The following CCDC15 variants were observed in gnomAD, a reference collection of about 807,000 sequenced individuals.
CCDC15 encodes coiled-coil domain containing 15, also known as coiled-coil domain-containing protein 15.
Under a neutral mutation model 114.5 loss-of-function variants are expected in CCDC15, and 105 were observed. The ratio of observed to expected loss-of-function variants is 0.92; its 90% CI spans 0.78 to 1.08. The LOEUF (loss-of-function observed/expected upper bound fraction) is 1.08, where lower values mean the gene tolerates loss of function less well. CCDC15 is among the 50% of genes least tolerant of loss of function. The pLI is 0.00. For synonymous variants in CCDC15, 334 were observed against 377.8 expected, an observed-to-expected ratio of 0.88 and a Z score of 1.34; for missense variants, 1,105 against 1,093.6, an observed-to-expected ratio of 1.01 and a Z score of -0.15.
rs755131889 is a variant in CCDC15 at position 124,988,115 on chromosome 11, A to G, written c.1889A>G (p.Asp630Gly). The change falls in exon 8 of 16, where the codon GAT becomes GGT. Residue 630 changes from aspartate to glycine, a missense_variant. Physicochemically the swap from Asp to Gly is moderately conservative, Grantham distance 94. Transcript: ENST00000344762. Reference protein sequence around the residue: ...QNILPKCQDQDFLPKYQKVHF... With the variant: ...QNILPKCQDQGFLPKYQKVHF... Reference sequence around the variant, plus strand: ...ATTCTACCCAAATGTCAGGACCAAGATTTTCTACCAAAATATCAGGTAAAA... The same window carrying G: ...ATTCTACCCAAATGTCAGGACCAAGGTTTTCTACCAAAATATCAGGTAAAA... The G allele has an allele frequency of 8.1e-6, 13 of 1,611,074 alleles. No individual in the cohort carries two copies. The African/African-American group carries it at 1.7e-4, about 22-fold the overall frequency.
chr11:124,962,286 T>TA (rs1189461739), intron 4 of CCDC15, among the ~76,000 whole-genome samples: 3 of 152,252 alleles, frequency 2.0e-5, no homozygotes, highest in Non-Finnish European at 4.4e-5. Flanking sequence ...TGAATGTTAG[T>TA]ACACGTCTCA....
At position 124,986,700 on chromosome 11, in the gene CCDC15, T is replaced by TGTGTGTGCGC. The variant is rs878887902; in HGVS notation, c.754-41_754-40insTGTGTGCGCG. 921 of 1,352,500 alleles carry TGTGTGTGCGC rather than the reference T, an allele frequency of 6.8e-4. 10 individuals carry two copies. The highest frequency in any genetic ancestry group is 5.3e-3 in the African/African-American group (329 of 61,546). 83.8% of individuals were successfully genotyped at this position (1,352,500 alleles called of 1,614,324 possible). A position where few individuals can be genotyped will look rare whatever the true frequency, so the allele number is the denominator to read the frequency against. The stretch of plus-strand genomic sequence containing the variant: ...GTGTGTGTGTGTGTGTTTGTGTGTG[T>TGTGTGTGCGC]GCGCGCGCGCGCGTGCGCGTTTTCA... On this transcript the variant is annotated intron_variant, in intron 6 of 15. Transcript: ENST00000344762.
At chr11:125,004,633 C>T (rs1396541829) in intron 12 of CCDC15, among the ~76,000 whole-genome samples, 1 of 152,032 alleles carries the variant, frequency 6.6e-6, no homozygotes, top group Non-Finnish European at 1.5e-5. Context: ...TGCTTTTATT[C>T]TACTTGTTTC....
At chr11:124,989,543 C>A (rs552654720) in intron 8 of CCDC15, among the ~76,000 whole-genome samples, 2 of 152,314 alleles carry the variant, frequency 1.3e-5, no homozygotes, top group South Asian at 4.1e-4. Flanking sequence ...TTGACTTTTT[C>A]TCTCTAGCTG....
intron 5 of CCDC15, among the ~76,000 whole-genome samples, 159 bp downstream of exon 5, chr11:124,975,368 A>G (rs1325631006): frequency 6.6e-6 from 1 of 152,248 alleles, no homozygotes; most frequent in Non-Finnish European, 1.5e-5. Context: ...ACATATCCAT[A>G]TGCAGCCATT....
In CCDC15 at chr11:124,986,691, T is replaced by TGTGTG. The variant is rs1555068459; in HGVS notation, c.754-51_754-50insGTGTG. ...GCTGTGTGTGTGTGTGTGTGTGTGT[T>TGTGTG]TGTGTGTGTGCGCGCGCGCGCGTGC... On this transcript the variant is annotated intron_variant, in intron 6 of 15. Coordinates refer to ENST00000344762, the MANE Select transcript of CCDC15 (RefSeq NM_025004.3). The TGTGTG allele has an allele frequency of 2.5e-3, 3,083 of 1,219,964 alleles. 42 individuals carry two copies. The highest frequency in any genetic ancestry group is 0.011 in the African/African-American group (633 of 56,724). The allele number at this position is 1,219,964 out of a possible 1,614,324, so 75.6% of individuals were successfully genotyped here.
chr11:124,980,600 G>C (rs1413247024), intron 6 of CCDC15, among the ~76,000 whole-genome samples: 1 of 152,130 alleles, frequency 6.6e-6, no homozygotes, highest in African/African-American at 2.4e-5. Context: ...TTGTGTTTCT[G>C]TGAGGCCAGT....
Position 125,010,690 on chromosome 11 carries a change from A to G in CCDC15, c.2411+5478A>G, listed in dbSNP as rs764831376. On this transcript the variant is annotated intron_variant, in intron 13 of 15. Coordinates refer to ENST00000344762, the MANE Select transcript of CCDC15 (RefSeq NM_025004.3). Reference sequence around the variant, plus strand: ...TGTTTAAATTCCTTATAGATACTGGATATCAGACCTTTGTCAGGTGCATAG... The same window carrying G: ...TGTTTAAATTCCTTATAGATACTGGGTATCAGACCTTTGTCAGGTGCATAG... 5.3e-5 allele frequency among the ~76,000 whole-genome samples: 8 copies of G among 152,108 alleles called. 1 individual carries two copies. In the South Asian group the frequency reaches 1.4e-3, roughly 28 times the overall value.
chr11:124,991,619 G>T, intron 9 of CCDC15, 36 bp downstream of exon 9: 1 of 1,535,122 alleles, frequency 6.5e-7, no homozygotes, highest in Non-Finnish European at 8.8e-7. Flanking sequence ...CAGGAAGGAA[G>T]TACCCAGGTT....
At chr11:125,017,360 C>A (rs1489242773) in intron 13 of CCDC15, among the ~76,000 whole-genome samples, 2 of 151,810 alleles carry the variant, frequency 1.3e-5, no homozygotes, top group African/African-American at 4.8e-5. Flanking sequence ...GGTCATGCAC[C>A]ACATAAAGAT....
chr11:125,007,072 A>G (rs555957474), intron 13 of CCDC15, among the ~76,000 whole-genome samples: 31 of 152,324 alleles, frequency 2.0e-4, no homozygotes, highest in African/African-American at 6.7e-4. Context: ...GTCATCTCAA[A>G]CATTATGATT....
intron 4 of CCDC15, among the ~76,000 whole-genome samples, chr11:124,963,412 A>G (rs895355762): frequency 3.4e-4 from 52 of 152,052 alleles, no homozygotes; most frequent in Non-Finnish European, 7.2e-4. Flanking sequence ...GCATTTTTTC[A>G]TGTGTCTGTT....
intron 4 of CCDC15, among the ~76,000 whole-genome samples, chr11:124,961,468 A>C (rs935805744): frequency 6.6e-6 from 1 of 152,200 alleles, no homozygotes; most frequent in African/African-American, 2.4e-5. Context: ...GTAGGGGAAG[A>C]ATTCATGGGA....
In CCDC15 at chr11:124,959,921, G is replaced by A; in HGVS notation, c.434G>A (p.Arg145Lys). ...NNLNVAIGSS[R>K]LPPSLMPGDG... is the part of the protein sequence containing the mutation. ...TTGAATGTTGCTATTGGAAGTTCTA[G>A]GTTACCTCCTTCCCTGATGCCTGGG... Residue 145 changes from arginine to lysine, a missense_variant, in exon 4 of 16, where the codon AGG (arginine) becomes AAG (lysine). Physicochemically the swap from Arg to Lys is conservative, Grantham distance 26 (BLOSUM62 2). Transcript: ENST00000344762. 1 of 1,587,670 alleles carries A rather than the reference G, an allele frequency of 6.3e-7. No homozygotes were observed. The highest frequency in any genetic ancestry group is 8.6e-7 in the Non-Finnish European group (1 of 1,165,228).
intron 13 of CCDC15, among the ~76,000 whole-genome samples, chr11:125,037,188 T>G (rs1405017768): frequency 1.3e-5 from 2 of 152,218 alleles, no homozygotes; most frequent in Non-Finnish European, 2.9e-5. Flanking sequence ...ATTTGATGAC[T>G]TGCTTTTATA....
At chr11:125,014,382 A>G (rs1425478260) in intron 13 of CCDC15, among the ~76,000 whole-genome samples, 2 of 152,150 alleles carry the variant, frequency 1.3e-5, no homozygotes, top group Non-Finnish European at 2.9e-5. Flanking sequence ...TTCTAAGTAC[A>G]TACTTAGAAG....
intron 6 of CCDC15, among the ~76,000 whole-genome samples, chr11:124,983,039 G>T (rs1000127143): frequency 3.9e-5 from 6 of 152,032 alleles, no homozygotes; most frequent in African/African-American, 9.7e-5. Flanking sequence ...ATTTTGGAGA[G>T]CCAGTCTTTG....
Position 124,991,464 on chromosome 11 carries a change from G to A in CCDC15, c.1912G>A (p.Val638Ile). The A allele has an allele frequency of 6.5e-7, 1 of 1,528,362 alleles. No individual in the cohort carries two copies. The highest frequency in any genetic ancestry group is 1.3e-5 in the South Asian group (1 of 79,182). 94.7% of individuals were successfully genotyped at this position (1,528,362 alleles called of 1,614,324 possible). Residue 638 changes from valine (V) to isoleucine (I), a missense_variant, in exon 9 of 16, where the codon GTA becomes ATA. Coordinates refer to ENST00000344762, the MANE Select transcript of CCDC15 (RefSeq NM_025004.3). ...DQDFLPKYQK[V>I]HFKEPYSDMT... ...TTTTTATTATTTTATCTTTTAGAAA[G>A]TACACTTTAAGGAGCCATACTCTGA...
rs763584597 is a variant in CCDC15, at chr11:124,987,701, A to G, written c.1475A>G (p.Asp492Gly). ...CAGCATGTTCTCCCCAAAGACCAAG[A>G]TATTCTGCCAAAATATCAGGACCAG... Reference protein sequence around the residue: ...RDQHVLPKDQDILPKYQDQNF... With the variant: ...RDQHVLPKDQGILPKYQDQNF... The change falls in exon 8 of 16, where the codon GAT becomes GGT. Residue 492 changes from aspartate (D) to glycine (G), a missense_variant. Physicochemically the swap from Asp to Gly is moderately conservative, Grantham distance 94. Coordinates refer to ENST00000344762, the MANE Select transcript of CCDC15 (RefSeq NM_025004.3). 2 of 1,613,746 alleles carry G rather than the reference A, an allele frequency of 1.2e-6. No homozygotes were observed. Among genetic ancestry groups the G allele is most frequent in the East Asian group, 2.2e-5 (1 of 44,890 alleles).
Sources: gnomAD v4.1 joint callset for allele counts (sites outside exome capture counted in the v4.1 genomes callset) on GRCh38, gnomAD v4.1.1 for gene constraint, MANE v1.5 for transcripts, NCBI Gene and HGNC (gene_info 2026-07-23, HGNC 2026-07-21) for gene names.